The following ADAMTS17 variants were observed in gnomAD, a reference collection of about 807,000 sequenced individuals.
ADAMTS17 encodes the protein A disintegrin and metalloproteinase with thrombospondin motifs 17.
In ADAMTS17, 113 loss-of-function variants were observed where a neutral mutation model predicts 141.5. The ratio of observed to expected loss-of-function variants is 0.80; its 90% CI spans 0.69 to 0.93. ADAMTS17 has a LOEUF of 0.93. Among genes scored for constraint, ADAMTS17 ranks in the 40% least tolerant of loss-of-function variants. The pLI, the probability that ADAMTS17 is intolerant of heterozygous loss-of-function variation, is 0.00. For missense variants in ADAMTS17, 1,659 were observed against 1,517.9 expected, an observed-to-expected ratio of 1.09 and a Z score of -1.54; for synonymous variants, 768 against 630.6, an observed-to-expected ratio of 1.22 and a Z score of -3.27.
At chr15:100,306,652 T>C in intron 3 of ADAMTS17, 1 of 447,290 alleles carries the variant, frequency 2.2e-6, no homozygotes, top group South Asian at 1.6e-5. Flanking sequence ...AAAATGGCAA[T>C]TTCAAACGAC....
At chr15:99,984,884 C>G (rs1173661689) in intron 20 of ADAMTS17, among the ~76,000 whole-genome samples, 2 of 152,232 alleles carry the variant, frequency 1.3e-5, no homozygotes, top group Non-Finnish European at 2.9e-5. Context: ...GCTCTCTGAT[C>G]TCTCACTCCC....
At chr15:99,992,561 G>A (rs112705741) in intron 20 of ADAMTS17, among the ~76,000 whole-genome samples, 2,266 of 152,278 alleles carry the variant, frequency 0.015, 52 homozygotes, top group African/African-American at 0.051. Flanking sequence ...CTTGCTCTCG[G>A]GAGTGCTGAC....
intron 8 of ADAMTS17, among the ~76,000 whole-genome samples, chr15:100,164,411 A>G (rs1270149215): frequency 2.0e-5 from 3 of 146,790 alleles, no homozygotes; most frequent in African/African-American, 7.6e-5. Context: ...CATTCATTCA[A>G]CAAGTATTTG....
At chr15:100,054,181 G>A in intron 15 of ADAMTS17, 127 bp from the exon 16 acceptor site, 1 of 1,104,396 alleles carries the variant, frequency 9.1e-7, no homozygotes, top group Non-Finnish European at 1.4e-6. Context: ...AAGGAGGGAG[G>A]CCTGAAGCGA....
chr15:100,096,693 A>G (rs1003346207), intron 14 of ADAMTS17, among the ~76,000 whole-genome samples: 7 of 126,236 alleles, frequency 5.5e-5, no homozygotes, highest in East Asian at 2.4e-4. Context: ...GCATAGCTGT[A>G]AAGTCTATTT....
chr15:100,018,424 G>A (rs898241266), intron 18 of ADAMTS17, among the ~76,000 whole-genome samples: 10 of 152,350 alleles, frequency 6.6e-5, no homozygotes, highest in African/African-American at 1.9e-4. Flanking sequence ...CGTGTTGGAG[G>A]AGGGGCCTGG....
intron 3 of ADAMTS17, chr15:100,305,871 A>G (rs892112807): frequency 6.6e-6 from 1 of 152,212 alleles, no homozygotes; most frequent in Non-Finnish European, 1.5e-5. Flanking sequence ...ATAAATTTAA[A>G]CAAACTCATC....
At chr15:100,163,260 A>G (rs1292034689) in intron 8 of ADAMTS17, among the ~76,000 whole-genome samples, 2 of 152,060 alleles carry the variant, frequency 1.3e-5, no homozygotes, top group African/African-American at 4.8e-5. Context: ...AGAGAGAATG[A>G]AGCACGGGAG....
chr15:100,261,660 A>T, intron 5 of ADAMTS17, 24 bp from the exon 6 acceptor site: 1 of 1,610,524 alleles, frequency 6.2e-7, no homozygotes, highest in African/African-American at 1.3e-5. Flanking sequence ...GAGGACAGTT[A>T]GAGAAACAAA....
rs150470047 is a variant in ADAMTS17 at position 100,294,596 on chromosome 15, G to A, written c.617-13195C>T. ...GGTGGCACGTGCTTGTAGTCCCGGC[G>A]ACTCAGGAGGCTGAGGTCGGAGGAT... On this transcript the variant is annotated intron_variant, in intron 3 of 21. Coordinates refer to ENST00000268070, the MANE Select transcript of ADAMTS17 (RefSeq NM_139057.4). Among the ~76,000 whole-genome samples the A allele has an allele frequency of 4.8e-4, 73 of 151,074 alleles. 1 individual carries two copies. Among genetic ancestry groups the A allele is most frequent in the African/African-American group, 1.7e-3 (69 of 41,186 alleles).
intron 14 of ADAMTS17, among the ~76,000 whole-genome samples, chr15:100,106,489 T>C (rs59270101): frequency 0.015 from 2,265 of 152,290 alleles, 54 homozygotes; most frequent in African/African-American, 0.052. Flanking sequence ...GTATGGAACA[T>C]CCTCTAGTTG....
intron 7 of ADAMTS17, among the ~76,000 whole-genome samples, chr15:100,236,725 C>A (rs2042667719): frequency 6.6e-6 from 1 of 152,104 alleles, no homozygotes; most frequent in East Asian, 1.9e-4. Flanking sequence ...CTTGTCCCAG[C>A]TACTCAGGAG....
intron 8 of ADAMTS17, among the ~76,000 whole-genome samples, chr15:100,160,211 A>G (rs1453505475): frequency 6.6e-6 from 1 of 152,324 alleles, no homozygotes; most frequent in Admixed American, 6.5e-5. Context: ...CTCTTTCCCT[A>G]CCTTGGCCAG....
Position 100,197,977 on chromosome 15 carries a change from G to A in ADAMTS17, c.1181+1341C>T, listed in dbSNP as rs546833130. 3.9e-5 allele frequency among the ~76,000 whole-genome samples: 6 copies of A among 152,266 alleles called. No individual in the cohort carries two copies. The South Asian group carries it at 1.2e-3, about 32-fold the overall frequency. On this transcript the variant is annotated intron_variant, in intron 8 of 21. Coordinates refer to ENST00000268070, the MANE Select transcript of ADAMTS17 (RefSeq NM_139057.4). ...CTCATAAGTGGGAGTTGAACAATGA[G>A]AACACATGGACACAGGGAGGGAATA...
intron 15 of ADAMTS17, among the ~76,000 whole-genome samples, chr15:100,087,119 G>C (rs904280442): frequency 1.3e-5 from 2 of 152,072 alleles, no homozygotes; most frequent in Non-Finnish European, 2.9e-5. Context: ...AGAAAACAGA[G>C]AAGAATCAAA....
At chr15:100,222,387 G>C (rs2141796006) in intron 7 of ADAMTS17, among the ~76,000 whole-genome samples, 1 of 152,322 alleles carries the variant, frequency 6.6e-6, no homozygotes, top group East Asian at 1.9e-4. Flanking sequence ...CGTCTGAACA[G>C]AAAGACATGA....
At chr15:100,338,944 A>C in intron 2 of ADAMTS17, 1 of 985,378 alleles carries the variant, frequency 1.0e-6, no homozygotes, top group Non-Finnish European at 1.2e-6. Flanking sequence ...TTGCAAACAA[A>C]GGGTCCACCT....
At chr15:100,171,793 T>C (rs916167432) in intron 8 of ADAMTS17, among the ~76,000 whole-genome samples, 5 of 152,172 alleles carry the variant, frequency 3.3e-5, no homozygotes, top group African/African-American at 1.2e-4. Context: ...TAAATGTTCA[T>C]AAATGAATGG....
At chr15:100,129,898 A>G (rs1337293219) in intron 12 of ADAMTS17, among the ~76,000 whole-genome samples, 1 of 152,200 alleles carries the variant, frequency 6.6e-6, no homozygotes, top group Non-Finnish European at 1.5e-5. Context: ...CCATTAACCA[A>G]CAGGGTCAGG....
Sources: gnomAD v4.1 joint callset for allele counts (sites outside exome capture counted in the v4.1 genomes callset) on GRCh38, gnomAD v4.1.1 for gene constraint, MANE v1.5 for transcripts, NCBI Gene and HGNC (gene_info 2026-07-23, HGNC 2026-07-21) for gene names.